The following BMPR2 variants were observed in gnomAD, a reference collection of about 807,000 sequenced individuals.
BMPR2 encodes bone morphogenetic protein receptor type-2.
BMPR2 carries 29 observed loss-of-function variants against 100.8 expected under a neutral mutation model. That is an observed-to-expected ratio of 0.29 (90% CI 0.21 to 0.39). The LOEUF is 0.39. Ranked by LOEUF, BMPR2 falls within the 10% of genes least tolerant of loss-of-function variation. The probability of loss-of-function intolerance (pLI) is 1.00; values close to 1 mark genes in which losing one functional copy is unlikely to be tolerated. For synonymous variants in BMPR2, 382 were observed against 442.3 expected (o/e 0.86, Z 1.71); for missense variants, 1,011 against 1,274.5 (o/e 0.79, Z 3.15).
intron 8 of BMPR2, among the ~76,000 whole-genome samples, chr2:202,531,195 C>T (rs1688021096): frequency 6.6e-6 from 1 of 152,090 alleles, no homozygotes; most frequent in African/African-American, 2.4e-5. Context: ...CCCAGCTACT[C>T]GGGAGTCTGA....
intron 1 of BMPR2, among the ~76,000 whole-genome samples, chr2:202,456,477 C>T (rs1215088126): frequency 6.6e-6 from 1 of 151,120 alleles, no homozygotes; most frequent in African/African-American, 2.4e-5. Context: ...TGCGCCCGAC[C>T]GATTGGTTCT....
At chr2:202,430,011 A>G (rs551456369) in intron 1 of BMPR2, among the ~76,000 whole-genome samples, 77 of 152,302 alleles carry the variant, frequency 5.1e-4, no homozygotes, top group African/African-American at 1.7e-3. Flanking sequence ...TGGCTTAAAC[A>G]TATTTTCAGA....
At chr2:202,523,201 A>G (rs1382832149) in intron 7 of BMPR2, among the ~76,000 whole-genome samples, 1 of 152,276 alleles carries the variant, frequency 6.6e-6, no homozygotes, top group Admixed American at 6.5e-5. Context: ...TACAACAGTC[A>G]GAATGGCTGT....
At chr2:202,497,982 G>A (rs1693078609) in intron 3 of BMPR2, among the ~76,000 whole-genome samples, 1 of 152,186 alleles carries the variant, frequency 6.6e-6, no homozygotes, top group Admixed American at 6.5e-5. Context: ...AGCTATTCCT[G>A]AAGCTAGGAT....
chr2:202,500,736 A>G (rs1687369276), intron 3 of BMPR2, among the ~76,000 whole-genome samples: 2 of 152,216 alleles, frequency 1.3e-5, no homozygotes, highest in South Asian at 2.1e-4. Flanking sequence ...AGACTCATTA[A>G]TGAGGCAGTA....
chr2:202,501,382 C>T (rs1286883210), intron 3 of BMPR2, among the ~76,000 whole-genome samples: 2 of 152,182 alleles, frequency 1.3e-5, no homozygotes, highest in Admixed American at 6.5e-5. Flanking sequence ...CTCATCTAGT[C>T]GAATGGGAAC....
rs1693016276 is a variant in BMPR2, at chr2:202,495,904, G to C, written c.419-17815G>C. Among the ~76,000 whole-genome samples the C allele has an allele frequency of 6.6e-6, 1 of 152,148 alleles. No homozygotes were observed. Among genetic ancestry groups the C allele is most frequent in the Non-Finnish European group, 1.5e-5 (1 of 68,028 alleles). ...GAGCCTTCAAAAAACTGTATGAGAA[G>C]ACTCATTATACAGAGTTTTGGAAGT... On this transcript the variant is annotated intron_variant, in intron 3 of 12. Transcript: ENST00000374580. This position sits in a 1 kb window ranked among gnomAD's most constrained non-coding sequence, Gnocchi z 4.5.
chr2:202,449,904 G>A (rs988531345), intron 1 of BMPR2, among the ~76,000 whole-genome samples: 2 of 152,018 alleles, frequency 1.3e-5, no homozygotes, highest in South Asian at 2.1e-4. Context: ...TCAGGAGTTC[G>A]AGACCAGTCT....
chr2:202,462,794 C>T (rs1456244936), intron 1 of BMPR2, among the ~76,000 whole-genome samples: 1 of 151,876 alleles, frequency 6.6e-6, no homozygotes, highest in Non-Finnish European at 1.5e-5. Flanking sequence ...CTCACTGCAA[C>T]CTACACCTCC....
At chr2:202,391,774 T>C (rs1429871533) in intron 1 of BMPR2, among the ~76,000 whole-genome samples, 1 of 151,832 alleles carries the variant, frequency 6.6e-6, no homozygotes, top group African/African-American at 2.4e-5. Flanking sequence ...TTTTCTTTTT[T>C]TTTTTTGAGA....
intron 3 of BMPR2, among the ~76,000 whole-genome samples, chr2:202,512,811 A>G (rs1464160258): frequency 6.6e-6 from 1 of 152,166 alleles, no homozygotes; most frequent in Non-Finnish European, 1.5e-5. Context: ...TCCTAAGGTC[A>G]TATGTTAAGT....
At chr2:202,389,648 A>ATT (rs879338693) in intron 1 of BMPR2, among the ~76,000 whole-genome samples, 5 of 144,018 alleles carry the variant, frequency 3.5e-5, no homozygotes, top group Non-Finnish European at 3.1e-5. Flanking sequence ...TTATAAATTT[A>ATT]TTTTTTTTTT....
chr2:202,449,395 C>A (rs906556318), intron 1 of BMPR2, among the ~76,000 whole-genome samples: 4 of 152,026 alleles, frequency 2.6e-5, no homozygotes, highest in African/African-American at 9.7e-5. Context: ...GAATGGCCTG[C>A]TTGCAACTTG....
At chr2:202,496,672 A>G (rs1693035781) in intron 3 of BMPR2, among the ~76,000 whole-genome samples, 1 of 152,178 alleles carries the variant, frequency 6.6e-6, no homozygotes, top group Admixed American at 6.5e-5. Context: ...TTCACTTACA[A>G]TCTTATACTT....
rs1452115895 is a variant in BMPR2, at chr2:202,441,964, C to T, written c.77-22845C>T. ...AGGAGAATCGCTTGAACCCAGGAGG[C>T]GGAGGTTGCAGTGAGCCGAGATCAC... On this transcript the variant is annotated intron_variant, in intron 1 of 12. Coordinates refer to ENST00000374580, the MANE Select transcript of BMPR2 (RefSeq NM_001204.7). Among the ~76,000 whole-genome samples, 9 of 144,676 alleles carry T rather than the reference C, an allele frequency of 6.2e-5. 2 individuals carry two copies. The highest frequency in any genetic ancestry group is 4.3e-4 in the South Asian group (2 of 4,598). The allele number at this position is 144,676 out of a possible 152,430, so 94.9% of individuals were successfully genotyped here. A position where few individuals can be genotyped will look rare whatever the true frequency, so the allele number is the denominator to read the frequency against.
intron 3 of BMPR2, among the ~76,000 whole-genome samples, chr2:202,496,068 A>G (rs1426017748): frequency 2.0e-5 from 3 of 152,260 alleles, no homozygotes; most frequent in Non-Finnish European, 4.4e-5. Flanking sequence ...AGTAGAGTGA[A>G]CAGATGGAAC....
chr2:202,429,284 A>T (rs1014839054), intron 1 of BMPR2, among the ~76,000 whole-genome samples: 1 of 152,192 alleles, frequency 6.6e-6, no homozygotes. Flanking sequence ...TACAAAATGA[A>T]GTTCAAACTC....
chr2:202,521,147 G>A (rs1301202286), intron 7 of BMPR2, among the ~76,000 whole-genome samples: 1 of 152,146 alleles, frequency 6.6e-6, no homozygotes, highest in African/African-American at 2.4e-5. Context: ...CTTAGTCACT[G>A]TCTTTCTATT....
intron 1 of BMPR2, among the ~76,000 whole-genome samples, chr2:202,423,825 T>C (rs1574440868): frequency 6.7e-6 from 1 of 148,346 alleles, no homozygotes; most frequent in African/African-American, 2.5e-5. Flanking sequence ...GAGGCCGGGG[T>C]GGTTGGATTG....
Sources: allele counts gnomAD v4.1 joint callset (sites outside exome capture counted in the v4.1 genomes callset), GRCh38; gene constraint gnomAD v4.1.1; non-coding constraint Gnocchi (gnomAD v3.1); transcripts MANE v1.5; gene names NCBI Gene and HGNC (gene_info 2026-07-23, HGNC 2026-07-21).